MYO9A: variants seen among roughly 807,000 people sequenced by gnomAD.
The protein encoded by MYO9A is unconventional myosin-IXa.
MYO9A carries 103 observed loss-of-function variants against 293.3 expected under a neutral mutation model. That is an observed-to-expected ratio of 0.35 (90% CI 0.30 to 0.41). The LOEUF (loss-of-function observed/expected upper bound fraction) is 0.41. Ranked by LOEUF, MYO9A falls within the 10% of genes least tolerant of loss-of-function variation. The pLI is 1.00. For synonymous variants in MYO9A, 1,001 were observed against 1,035.7 expected (o/e 0.97, Z 0.64); for missense variants, 2,685 against 3,033.0 (o/e 0.89, Z 2.69).
At chr15:71,853,494 C>T (rs749495906) in intron 35 of MYO9A, among the ~76,000 whole-genome samples, 18 of 152,120 alleles carry the variant, frequency 1.2e-4, no homozygotes, top group Non-Finnish European at 2.5e-4. Flanking sequence ...CAAAGTAGAC[C>T]AAGTCTCTTG....
intron 6 of MYO9A, among the ~76,000 whole-genome samples, chr15:72,013,731 A>G (rs2077241532): frequency 6.6e-6 from 1 of 152,248 alleles, no homozygotes. Flanking sequence ...GAGAAAGAGA[A>G]GAGTCAAATT....
rs1379496660 is a variant in MYO9A at position 71,823,154 on chromosome 15, T to C, written c.*3426A>G. On this transcript the variant is annotated 3_prime_UTR_variant, in exon 42 of 42. Coordinates refer to ENST00000356056, the MANE Select transcript of MYO9A (RefSeq NM_006901.4). ...TGGAGTGAGTATGTATGTTTCTTTT[T>C]AAAATGAAAACTCTCTTAGCTTTGA... 6.6e-6 allele frequency: 1 copy of C among 152,148 alleles called. No homozygotes were observed. Among genetic ancestry groups the C allele is most frequent in the Non-Finnish European group, 1.5e-5 (1 of 68,022 alleles). 9.4% of individuals were successfully genotyped at this position (152,148 alleles called of 1,614,324 possible). A position where few individuals can be genotyped will look rare whatever the true frequency, so the allele number is the denominator to read the frequency against.
At position 71,897,845 on chromosome 15, in the gene MYO9A, C is replaced by T. The variant is rs768211767; in HGVS notation, c.4658G>A (p.Arg1553Lys). 1.2e-6 allele frequency: 2 copies of T among 1,614,044 alleles called. No individual in the cohort carries two copies. Among genetic ancestry groups the T allele is most frequent in the South Asian group, 2.2e-5 (2 of 91,074 alleles). ...GAGGAGAGAGGATGGCCTCTCTACT[C>T]TTTGCTTTGACTGATAGGAAGATGG... ...VAPSSYQSKQ[R>K]VERPSSLLSL... Residue 1553 changes from arginine (R) to lysine (K), a missense_variant, in exon 25 of 42, where the codon AGA (arginine) becomes AAA (lysine). Arg to Lys is a conservative substitution (Grantham distance 26). This residue lies in a region of MYO9A where 1,434 missense variants were observed against 1,497.7 expected (regional missense o/e 0.96). Transcript: ENST00000356056.
At chr15:72,021,067 T>C (rs769811143) in intron 4 of MYO9A, 50 bp from the exon 5 acceptor site, 3 of 1,207,604 alleles carry the variant, frequency 2.5e-6, no homozygotes, top group Non-Finnish European at 3.5e-6. Context: ...CTTATGGTTA[T>C]CATTTAACAG....
chr15:72,113,369 A>G (rs1408231766), intron 1 of MYO9A, among the ~76,000 whole-genome samples: 2 of 152,234 alleles, frequency 1.3e-5, no homozygotes, highest in Non-Finnish European at 2.9e-5. Context: ...AAATCAGGGA[A>G]ATAGAACATC....
intron 26 of MYO9A, 83 bp downstream of exon 26, chr15:71,893,596 C>T: frequency 5.6e-6 from 6 of 1,063,166 alleles, no homozygotes; most frequent in Admixed American, 2.0e-5. Context: ...AGATGAGGTG[C>T]TCTACCTACA....
chr15:71,855,167 G>A (rs960422322), intron 34 of MYO9A, among the ~76,000 whole-genome samples: 1 of 151,844 alleles, frequency 6.6e-6, no homozygotes, highest in Non-Finnish European at 1.5e-5. Context: ...ACAGAGTCTC[G>A]CTCTGTCACC....
rs906864317 is a variant in MYO9A, at chr15:72,046,648, G to C, written c.-71-14C>G. On this transcript the variant is annotated splice_polypyrimidine_tract_variant and intron_variant, in intron 1 of 41. Transcript: ENST00000356056. ...TTGGTAAAATAACTGTAACATAAAAGATGCAAAATATTTAGAAGTAAATAC... is the reference window on the plus strand; with the variant it reads ...TTGGTAAAATAACTGTAACATAAAACATGCAAAATATTTAGAAGTAAATAC... 2 of 1,440,302 alleles carry C rather than the reference G, an allele frequency of 1.4e-6. No individual in the cohort carries two copies. The highest frequency in any genetic ancestry group is 2.8e-5 in the African/African-American group (2 of 70,668). The allele number at this position is 1,440,302 out of a possible 1,614,324, so 89.2% of individuals were successfully genotyped here. A position where few individuals can be genotyped will look rare whatever the true frequency, so the allele number is the denominator to read the frequency against.
chr15:72,100,686 G>A (rs1179766825), intron 1 of MYO9A, among the ~76,000 whole-genome samples: 1 of 151,274 alleles, frequency 6.6e-6, no homozygotes, highest in Non-Finnish European at 1.5e-5. Context: ...TCTCTGCCCC[G>A]CCGCCCCGTC....
At chr15:71,874,121 G>A (rs73434311) in intron 32 of MYO9A, among the ~76,000 whole-genome samples, 3,213 of 152,216 alleles carry the variant, frequency 0.021, 112 homozygotes, top group African/African-American at 0.075. Context: ...CAGAAACTTC[G>A]CAATAGGCAA....
chr15:71,916,357 A>G lies in MYO9A; in HGVS notation c.2685+13T>C, dbSNP rs1473875008. On this transcript the variant is annotated intron_variant, in intron 19 of 41. Coordinates refer to ENST00000356056, the MANE Select transcript of MYO9A (RefSeq NM_006901.4). ...ACAGATTCTTATTTGTTTTAAGCGA[A>G]ACAAGAAATAACCTGAAACTGGGCA... 1 of 1,603,762 alleles carries G rather than the reference A, an allele frequency of 6.2e-7. No homozygotes were observed. Among genetic ancestry groups the G allele is most frequent in the Non-Finnish European group, 8.5e-7 (1 of 1,177,402 alleles).
Position 71,898,592 on chromosome 15 carries a change from C to A in MYO9A, c.3911G>T (p.Arg1304Leu). 6.2e-7 allele frequency: 1 copy of A among 1,614,080 alleles called. No individual in the cohort carries two copies. The highest frequency in any genetic ancestry group is 1.1e-5 in the South Asian group (1 of 91,076). ...AGGCACCAATTCTGTAGACCATCTGCGATCCTCTGAAGGAGAAATACCACC... is the reference window on the plus strand; with the variant it reads ...AGGCACCAATTCTGTAGACCATCTGAGATCCTCTGAAGGAGAAATACCACC... ...SLGGISPSED[R>L]RWSTELVPEG... Residue 1304 changes from arginine to leucine, a missense_variant, in exon 25 of 42, where the codon CGC (arginine) becomes CTC (leucine). Coordinates refer to ENST00000356056, the MANE Select transcript of MYO9A (RefSeq NM_006901.4).
At chr15:71,862,122 ACAC>A (rs1334052759) in intron 33 of MYO9A, among the ~76,000 whole-genome samples, 1 of 152,210 alleles carries the variant, frequency 6.6e-6, no homozygotes, top group Non-Finnish European at 1.5e-5. Context: ...ATGGAGCAAG[ACAC>A]CATCTCAAAA....
intron 40 of MYO9A, among the ~76,000 whole-genome samples, chr15:71,828,604 C>T (rs1418361439): frequency 1.3e-5 from 2 of 152,128 alleles, no homozygotes; most frequent in African/African-American, 4.8e-5. Context: ...TCTCTAGTCT[C>T]CCTTCTTCAT....
At chr15:71,964,249 G>A (rs2075815025) in intron 13 of MYO9A, among the ~76,000 whole-genome samples, 2 of 151,986 alleles carry the variant, frequency 1.3e-5, no homozygotes, top group South Asian at 2.1e-4. Context: ...TTTGTTCAAT[G>A]TCTGCTTTAT....
chr15:72,001,031 T>A (rs1432010083), intron 8 of MYO9A, among the ~76,000 whole-genome samples: 1 of 152,196 alleles, frequency 6.6e-6, no homozygotes, highest in African/African-American at 2.4e-5. Flanking sequence ...TAGAGAATAC[T>A]ACCAAACTCC....
intron 13 of MYO9A, 31 bp from the exon 14 acceptor site, chr15:71,960,127 G>C: frequency 6.3e-7 from 1 of 1,591,328 alleles, no homozygotes; most frequent in Non-Finnish European, 8.6e-7. Flanking sequence ...TGTTACTTAT[G>C]GGAAAAAAAA....
chr15:72,112,634 A>G (rs542150454), intron 1 of MYO9A, among the ~76,000 whole-genome samples: 31 of 152,346 alleles, frequency 2.0e-4, no homozygotes, highest in African/African-American at 7.0e-4. Context: ...AATTGTTTCT[A>G]TAACATAAAT....
chr15:72,079,465 A>G (rs1225942281), intron 1 of MYO9A, among the ~76,000 whole-genome samples: 1 of 152,184 alleles, frequency 6.6e-6, no homozygotes, highest in Non-Finnish European at 1.5e-5. Context: ...TAGGCCTTCT[A>G]TCTGAAGATG....
Sources: allele counts gnomAD v4.1 joint callset (sites outside exome capture counted in the v4.1 genomes callset), GRCh38; gene constraint gnomAD v4.1.1; regional missense constraint gnomAD v4.1.1; transcripts MANE v1.5; gene names NCBI Gene and HGNC (gene_info 2026-07-23, HGNC 2026-07-21).